The following SLC41A2 variants were observed in gnomAD, a reference collection of about 807,000 sequenced individuals.
The protein encoded by SLC41A2 is solute carrier family 41 member 2.
SLC41A2 carries 32 observed loss-of-function variants against 58.3 expected under a neutral mutation model. That is an observed-to-expected ratio of 0.55 (90% CI 0.41 to 0.74). SLC41A2 has a LOEUF of 0.74. Ranked by LOEUF, SLC41A2 falls within the 30% of genes least tolerant of loss-of-function variation. The pLI is 0.00. For missense variants in SLC41A2, 514 were observed against 680.6 expected, an observed-to-expected ratio of 0.76 and a Z score of 2.72; for synonymous variants, 190 against 235.0, an observed-to-expected ratio of 0.81 and a Z score of 1.75.
chr12:104,833,091 T>C (rs1483017014), intron 10 of SLC41A2, among the ~76,000 whole-genome samples: 1 of 152,244 alleles, frequency 6.6e-6, no homozygotes, highest in African/African-American at 2.4e-5. Context: ...TCTTAATTAT[T>C]TCTCCTGAGT....
chr12:104,874,264 TG>T (rs1419959066), intron 6 of SLC41A2, among the ~76,000 whole-genome samples: 3 of 151,990 alleles, frequency 2.0e-5, no homozygotes, highest in African/African-American at 7.2e-5. Context: ...TTAGTAAAGA[TG>T]GGTTTTCACC....
intron 2 of SLC41A2, among the ~76,000 whole-genome samples, chr12:104,920,258 G>C (rs557817746): frequency 6.6e-6 from 1 of 151,940 alleles, no homozygotes; most frequent in Non-Finnish European, 1.5e-5. Flanking sequence ...TCTCAAAATT[G>C]TTACAGCTAT....
At chr12:104,871,662 C>A (rs79835310) in intron 6 of SLC41A2, among the ~76,000 whole-genome samples, 2 of 152,266 alleles carry the variant, frequency 1.3e-5, no homozygotes, top group South Asian at 4.1e-4. Context: ...TTTTTTGTTA[C>A]AATCTATTAT....
intron 10 of SLC41A2, among the ~76,000 whole-genome samples, chr12:104,815,496 C>A (rs960056510): frequency 2.6e-5 from 4 of 151,930 alleles, no homozygotes; most frequent in African/African-American, 9.7e-5. Flanking sequence ...ATATTGATTC[C>A]TTCAGCCAGC....
At chr12:104,877,493 A>C (rs936885791) in intron 6 of SLC41A2, among the ~76,000 whole-genome samples, 4 of 152,220 alleles carry the variant, frequency 2.6e-5, no homozygotes, top group Non-Finnish European at 5.9e-5. Flanking sequence ...CAGAAGACAA[A>C]GATTAGAAAA....
At chr12:104,814,858 T>C (rs550300616) in intron 10 of SLC41A2, among the ~76,000 whole-genome samples, 10 of 152,348 alleles carry the variant, frequency 6.6e-5, no homozygotes, top group African/African-American at 2.4e-4. Flanking sequence ...ACTAACCAGT[T>C]ATATTTGTCA....
intron 10 of SLC41A2, among the ~76,000 whole-genome samples, chr12:104,842,509 C>T (rs140088598): frequency 2.0e-5 from 3 of 152,200 alleles, no homozygotes; most frequent in African/African-American, 7.2e-5. Flanking sequence ...TCTTTAATAA[C>T]AACAACAATA....
intron 1 of SLC41A2, among the ~76,000 whole-genome samples, chr12:104,936,311 C>T (rs2047267610): frequency 6.6e-6 from 1 of 152,130 alleles, no homozygotes; most frequent in Admixed American, 6.5e-5. Flanking sequence ...TTGTGTGCTA[C>T]TGGCCCAGGA....
intron 8 of SLC41A2, among the ~76,000 whole-genome samples, chr12:104,860,374 A>G (rs939804205): frequency 9.9e-5 from 15 of 151,260 alleles, no homozygotes; most frequent in African/African-American, 2.7e-4. Flanking sequence ...CGTTCTGCAC[A>G]TGTATCCCAG....
intron 7 of SLC41A2, among the ~76,000 whole-genome samples, chr12:104,864,077 C>T (rs60057011): frequency 0.053 from 8,055 of 152,040 alleles, 293 homozygotes; most frequent in East Asian, 0.1. Flanking sequence ...CCAATACCCC[C>T]TTGGATCCTG....
At chr12:104,805,418 G>T (rs1192335077) in intron 10 of SLC41A2, 81 bp from the exon 11 acceptor site, 5 of 1,188,288 alleles carry the variant, frequency 4.2e-6, no homozygotes, top group Middle Eastern at 2.3e-4. Context: ...TAAACCACTG[G>T]CTTCTGGAAG....
At chr12:104,805,425 G>A in intron 10 of SLC41A2, 88 bp from the exon 11 acceptor site, 1 of 1,079,136 alleles carries the variant, frequency 9.3e-7, no homozygotes, top group Non-Finnish European at 1.3e-6. Flanking sequence ...CTGGCTTCTG[G>A]AAGGGACCGT....
At chr12:104,843,244 T>C (rs887287276) in intron 10 of SLC41A2, among the ~76,000 whole-genome samples, 10 of 151,988 alleles carry the variant, frequency 6.6e-5, no homozygotes, top group African/African-American at 2.4e-4. Flanking sequence ...TACGAGACCT[T>C]GAGCACAGAG....
intron 4 of SLC41A2, among the ~76,000 whole-genome samples, chr12:104,891,742 A>G (rs1271874407): frequency 3.3e-5 from 5 of 151,996 alleles, no homozygotes; most frequent in Non-Finnish European, 5.9e-5. Flanking sequence ...ATTGGAAAGA[A>G]AGAAGTCAAA....
chr12:104,884,865 A>T (rs1234665073), intron 6 of SLC41A2, among the ~76,000 whole-genome samples: 1 of 152,244 alleles, frequency 6.6e-6, no homozygotes, highest in Non-Finnish European at 1.5e-5. Flanking sequence ...AGTTTAATAG[A>T]GTAGGACAAG....
At chr12:104,893,391 C>G (rs1463501699) in intron 4 of SLC41A2, among the ~76,000 whole-genome samples, 1 of 152,120 alleles carries the variant, frequency 6.6e-6, no homozygotes, top group East Asian at 1.9e-4. Context: ...AGGGAACCCT[C>G]GTACACTGTT....
At chr12:104,884,287 T>C (rs2044542620) in intron 6 of SLC41A2, among the ~76,000 whole-genome samples, 1 of 152,200 alleles carries the variant, frequency 6.6e-6, no homozygotes, top group Admixed American at 6.5e-5. Flanking sequence ...CCCTGACCCC[T>C]TGCGCTTCCC....
chr12:104,865,998 C>T (rs186860736), intron 7 of SLC41A2, among the ~76,000 whole-genome samples: 10 of 152,248 alleles, frequency 6.6e-5, no homozygotes, highest in African/African-American at 1.7e-4. Flanking sequence ...TTAAGGTCAT[C>T]AGAGTCCTAG....
At chr12:104,869,671 T>C (rs2043661353) in intron 6 of SLC41A2, among the ~76,000 whole-genome samples, 1 of 152,204 alleles carries the variant, frequency 6.6e-6, no homozygotes, top group African/African-American at 2.4e-5. Context: ...TTAGACCATA[T>C]GGATAATTCT....
Sources: allele counts gnomAD v4.1 joint callset (sites outside exome capture counted in the v4.1 genomes callset), GRCh38; gene constraint gnomAD v4.1.1; transcripts MANE v1.5; gene names NCBI Gene and HGNC (gene_info 2026-07-23, HGNC 2026-07-21).